The following ZNF367 variants were observed in gnomAD, a reference collection of about 807,000 sequenced individuals.
ZNF367 encodes the protein zinc finger protein 367, also known as C2H2 zinc finger protein ZFF29.
In ZNF367, 11 loss-of-function variants were observed where a neutral mutation model predicts 31.8. The ratio of observed to expected loss-of-function variants is 0.35; its 90% CI spans 0.22 to 0.57. The LOEUF (loss-of-function observed/expected upper bound fraction) is 0.57, where lower values mean the gene tolerates loss of function less well. ZNF367 is among the 20% of genes least tolerant of loss of function. The pLI, the probability that ZNF367 is intolerant of heterozygous loss-of-function variation, is 0.85. For missense variants in ZNF367, 353 were observed against 484.1 expected (o/e 0.73, Z 2.54); for synonymous variants, 199 against 202.4 (o/e 0.98, Z 0.14).
At chr9:96,408,144 T>C (rs1296245683) in intron 1 of ZNF367, among the ~76,000 whole-genome samples, 1 of 152,032 alleles carries the variant, frequency 6.6e-6, no homozygotes, top group Non-Finnish European at 1.5e-5. Flanking sequence ...CACACCAACA[T>C]GGCACATGTA....
intron 1 of ZNF367, among the ~76,000 whole-genome samples, chr9:96,414,439 G>C (rs1831791542): frequency 6.6e-6 from 1 of 152,086 alleles, no homozygotes; most frequent in Admixed American, 6.5e-5. Flanking sequence ...TCTGAAAAGA[G>C]GTGTACAGCA....
At chr9:96,389,984 A>G (rs1831451720) in intron 4 of ZNF367, among the ~76,000 whole-genome samples, 1 of 141,868 alleles carries the variant, frequency 7.0e-6, no homozygotes, top group African/African-American at 2.7e-5. Flanking sequence ...TACCATGTTG[A>G]CCAGGCTGGT....
intron 1 of ZNF367, among the ~76,000 whole-genome samples, chr9:96,404,582 G>A (rs1175109082): frequency 6.6e-6 from 1 of 151,548 alleles, no homozygotes; most frequent in Non-Finnish European, 1.5e-5. Context: ...AACAGAGTGA[G>A]CCAAGATCAC....
chr9:96,396,515 A>G (rs749343478), intron 2 of ZNF367, among the ~76,000 whole-genome samples: 3 of 152,150 alleles, frequency 2.0e-5, no homozygotes, highest in Non-Finnish European at 4.4e-5. Flanking sequence ...GTTAAAAAAA[A>G]GTGAGAAACA....
chr9:96,410,525 G>A (rs1831732254), intron 1 of ZNF367, among the ~76,000 whole-genome samples: 1 of 139,168 alleles, frequency 7.2e-6, no homozygotes, highest in Non-Finnish European at 1.5e-5. Context: ...TGGCACCATT[G>A]CACTCCAGCC....
Position 96,417,662 on chromosome 9 carries a change from C to T in ZNF367, c.371G>A (p.Gly124Glu). 9.9e-7 allele frequency: 1 copy of T among 1,012,654 alleles called. No homozygotes were observed. Among genetic ancestry groups the T allele is most frequent in the Non-Finnish European group, 1.3e-6 (1 of 795,542 alleles). The allele number at this position is 1,012,654 out of a possible 1,614,324, so 62.7% of individuals were successfully genotyped here. Residue 124 changes from glycine (G) to glutamate (E), a missense_variant, in exon 1 of 5, where the codon GGA (glycine) becomes GAA (glutamate). By Grantham distance (98) the Gly-to-Glu change is moderately conservative (BLOSUM62 -2). Coordinates refer to ENST00000375256, the MANE Select transcript of ZNF367 (RefSeq NM_153695.4). This position sits in a 1 kb window ranked among gnomAD's most constrained non-coding sequence, Gnocchi z 5.0. ...PAASASAAAS[G>E]GEDEEEASSP... is the part of the protein sequence containing the mutation. ...GCTCGCTTCCTCCTCGTCCTCACCT[C>T]CCGAGGCGGCGGCGGAGGCCGAGGC...
chr9:96,410,359 A>C (rs1348667581), intron 1 of ZNF367, among the ~76,000 whole-genome samples: 1 of 150,800 alleles, frequency 6.6e-6, no homozygotes, highest in African/African-American at 2.4e-5. Flanking sequence ...CAGGAGATCG[A>C]GACCATCCTG....
At chr9:96,413,672 C>G (rs1831781475) in intron 1 of ZNF367, among the ~76,000 whole-genome samples, 2 of 152,102 alleles carry the variant, frequency 1.3e-5, no homozygotes, top group South Asian at 4.1e-4. Context: ...ATTCTACAAT[C>G]CAGAAGAAGA....
chr9:96,392,602 T>A (rs1393950832), intron 3 of ZNF367, 66 bp from the exon 4 acceptor site: 1 of 1,522,748 alleles, frequency 6.6e-7, no homozygotes, highest in East Asian at 2.3e-5. Flanking sequence ...GTGGAAAACA[T>A]TCAGTTTCAC....
At chr9:96,416,775 T>C (rs1337519173) in intron 1 of ZNF367, among the ~76,000 whole-genome samples, 2 of 152,244 alleles carry the variant, frequency 1.3e-5, no homozygotes, top group African/African-American at 4.8e-5. Context: ...AGTAAAGTCA[T>C]ATAGTCTTCT....
At chr9:96,396,266 C>A (rs1308374087) in intron 2 of ZNF367, among the ~76,000 whole-genome samples, 1 of 152,022 alleles carries the variant, frequency 6.6e-6, no homozygotes, top group African/African-American at 2.4e-5. Context: ...CTACGGCCTA[C>A]AAACCAGTTA....
rs1831849783 is a variant in ZNF367, at chr9:96,417,623, C to T, written c.410G>A (p.Gly137Asp). 4.3e-6 allele frequency: 3 copies of T among 698,588 alleles called. No individual in the cohort carries two copies. The highest frequency in any genetic ancestry group is 3.9e-6 in the Non-Finnish European group (2 of 507,758). 43.3% of individuals were successfully genotyped at this position (698,588 alleles called of 1,614,324 possible). A position where few individuals can be genotyped will look rare whatever the true frequency, so the allele number is the denominator to read the frequency against. ...DEEEASSPDS[G>D]HLKDGIRRGR... Reference sequence around the variant, plus strand: ...GCCCGCGCCGCTCACCTTGAGGTGGCCGCTGTCTGGGCTGCTCGCTTCCTC... The same window carrying T: ...GCCCGCGCCGCTCACCTTGAGGTGGTCGCTGTCTGGGCTGCTCGCTTCCTC... Residue 137 changes from glycine (G) to aspartate (D), a missense_variant, in exon 1 of 5, where the codon GGC becomes GAC. Physicochemically the swap from Gly to Asp is moderately conservative, Grantham distance 94. This residue lies in a region of ZNF367 where 70 missense variants were observed against 57.1 expected (regional missense o/e 1.23). Coordinates refer to ENST00000375256, the MANE Select transcript of ZNF367 (RefSeq NM_153695.4). The surrounding 1 kb of genome is among the most constrained non-coding windows in gnomAD (Gnocchi z 5.0).
At chr9:96,411,237 T>G (rs1020046343) in intron 1 of ZNF367, among the ~76,000 whole-genome samples, 1 of 152,042 alleles carries the variant, frequency 6.6e-6, no homozygotes, top group African/African-American at 2.4e-5. Flanking sequence ...AAAGGATCCC[T>G]TTCCTAGTAT....
At chr9:96,390,846 T>C (rs992877018) in intron 4 of ZNF367, among the ~76,000 whole-genome samples, 29 of 126,160 alleles carry the variant, frequency 2.3e-4, no homozygotes, top group African/African-American at 8.4e-4. Context: ...ATCCTGCTAC[T>C]ACAGTCCAGT....
intron 1 of ZNF367, among the ~76,000 whole-genome samples, chr9:96,401,695 G>A (rs911968335): frequency 1.3e-5 from 2 of 151,262 alleles, no homozygotes; most frequent in Non-Finnish European, 2.9e-5. Context: ...AGGTGTAGTG[G>A]CGCACACTTG....
At chr9:96,408,929 C>T (rs997614014) in intron 1 of ZNF367, among the ~76,000 whole-genome samples, 1 of 152,190 alleles carries the variant, frequency 6.6e-6, no homozygotes, top group Non-Finnish European at 1.5e-5. Flanking sequence ...TTTGTCCCCT[C>T]CAAATCTCAT....
intron 1 of ZNF367, among the ~76,000 whole-genome samples, chr9:96,416,789 T>C (rs1394816472): frequency 1.3e-5 from 2 of 152,248 alleles, no homozygotes; most frequent in African/African-American, 2.4e-5. Context: ...GTCTTCTAGA[T>C]AGAAATACTC....
At chr9:96,392,230 C>T in intron 4 of ZNF367, 168 bp downstream of exon 4, 1 of 940,506 alleles carries the variant, frequency 1.1e-6, no homozygotes. Flanking sequence ...TCCTAAGATC[C>T]TAATACCACT....
intron 1 of ZNF367, among the ~76,000 whole-genome samples, chr9:96,400,701 A>G (rs1334693490): frequency 2.0e-5 from 3 of 152,194 alleles, no homozygotes; most frequent in African/African-American, 4.8e-5. Context: ...TAAGATGCCT[A>G]TGGAACACCA....
Sources: gnomAD v4.1 joint callset for allele counts (sites outside exome capture counted in the v4.1 genomes callset) on GRCh38, gnomAD v4.1.1 for gene constraint, gnomAD v4.1.1 regional missense constraint, Gnocchi (gnomAD v3.1) non-coding constraint, MANE v1.5 for transcripts, NCBI Gene and HGNC (gene_info 2026-07-23, HGNC 2026-07-21) for gene names.